Variants in ARFGEF1 observed in about 807,000 individuals in gnomAD.
ARFGEF1 encodes the protein ARF guanine nucleotide exchange factor 1, also known as brefeldin A-inhibited guanine nucleotide-exchange protein 1.
ARFGEF1 carries 42 observed loss-of-function variants against 231.0 expected under a neutral mutation model. The ratio of observed to expected loss-of-function variants is 0.18; its 90% CI spans 0.14 to 0.24. The LOEUF (loss-of-function observed/expected upper bound fraction) is 0.24, where lower values mean the gene tolerates loss of function less well. Ranked by LOEUF, ARFGEF1 falls within the 10% of genes least tolerant of loss-of-function variation. The pLI is 1.00. For missense variants in ARFGEF1, 1,345 were observed against 2,192.0 expected (o/e 0.61, Z 7.72); for synonymous variants, 710 against 732.3 (o/e 0.97, Z 0.49).
chr8:67,255,214 A>C (rs779193021), intron 17 of ARFGEF1, among the ~76,000 whole-genome samples: 5 of 152,214 alleles, frequency 3.3e-5, no homozygotes, highest in Non-Finnish European at 5.9e-5. Flanking sequence ...TTCACACAGA[A>C]CACTTCTGCC....
At chr8:67,235,605 G>A (rs907291270) in intron 22 of ARFGEF1, among the ~76,000 whole-genome samples, 5 of 152,062 alleles carry the variant, frequency 3.3e-5, no homozygotes, top group African/African-American at 7.2e-5. Context: ...GAGGTGAGAG[G>A]ATCACCTGAA....
intron 1 of ARFGEF1, among the ~76,000 whole-genome samples, chr8:67,329,820 G>A (rs1808017924): frequency 6.6e-6 from 1 of 151,616 alleles, no homozygotes; most frequent in Non-Finnish European, 1.5e-5. Flanking sequence ...AACAGCATTA[G>A]GCATGCATGA....
chr8:67,206,410 T>TA (rs747164390), intron 34 of ARFGEF1, among the ~76,000 whole-genome samples: 3,378 of 101,876 alleles, frequency 0.033, 115 homozygotes, highest in African/African-American at 0.077. Context: ...ATTTTATCTT[T>TA]AAAAAAAAAA....
Position 67,238,413 on chromosome 8 carries a change from C to A in ARFGEF1, c.3219G>T (p.Val1073=). 1 of 1,614,010 alleles carries A rather than the reference C, an allele frequency of 6.2e-7. No individual in the cohort carries two copies. The highest frequency in any genetic ancestry group is 8.5e-7 in the Non-Finnish European group (1 of 1,179,936). The change falls in exon 22 of 39, where the codon GTG becomes GTT. Residue 1073 remains valine (V), a synonymous_variant. Coordinates refer to ENST00000262215, the MANE Select transcript of ARFGEF1 (RefSeq NM_006421.5). ...CAGTAAGAGATCCTTCTCTGCCTCG[C>A]ACTGTTCCAGAAATGTATCGAGGTT... ...GVKPRYISGT[V]RGREGSLTGT...
At chr8:67,306,454 CT>C (rs1024106305) in intron 1 of ARFGEF1, among the ~76,000 whole-genome samples, 2 of 151,384 alleles carry the variant, frequency 1.3e-5, no homozygotes, top group South Asian at 4.2e-4. Flanking sequence ...ACAGGAAAGA[CT>C]TTTTTTTTAA....
chr8:67,198,262 AAAAG>A lies in ARFGEF1; in HGVS notation c.*668_*671del, dbSNP rs1838173623. 8 of 985,834 alleles carry A rather than the reference AAAAG, an allele frequency of 8.1e-6. No individual in the cohort carries two copies. Among genetic ancestry groups the A allele is most frequent in the Non-Finnish European group, 9.6e-6 (8 of 829,902 alleles). 61.1% of individuals were successfully genotyped at this position (985,834 alleles called of 1,614,324 possible). A position where few individuals can be genotyped will look rare whatever the true frequency, so the allele number is the denominator to read the frequency against. Reference sequence around the variant, plus strand: ...AAAACTAAAAATCCCTATAAAATAAAAAAGAAAGTTCCACCCAAATGTTTAGTGC... The same window carrying A: ...AAAACTAAAAATCCCTATAAAATAAAAAAGTTCCACCCAAATGTTTAGTGC... On this transcript the variant is annotated 3_prime_UTR_variant, in exon 39 of 39. Transcript: ENST00000262215.
intron 5 of ARFGEF1, among the ~76,000 whole-genome samples, chr8:67,189,279 G>C (rs554380171): frequency 1.3e-5 from 2 of 152,232 alleles, no homozygotes; most frequent in South Asian, 4.1e-4. Context: ...TTGCCTAAGG[G>C]AGCTGAAAAC....
In ARFGEF1 at chr8:67,204,830, AC is replaced by A. The variant is rs527275848; in HGVS notation, c.4820-12del. On this transcript the variant is annotated splice_polypyrimidine_tract_variant and intron_variant, in intron 34 of 38. Coordinates refer to ENST00000262215, the MANE Select transcript of ARFGEF1 (RefSeq NM_006421.5). ...TTTGTTCTGGAAATTCTGTGAGGAA[AC>A]CCCCCCCAATGCACATGCAAACAAA... is the stretch of plus-strand genomic sequence containing the variant. The A allele has an allele frequency of 1.4e-3, 2,224 of 1,598,532 alleles. 2 individuals carry two copies. The highest frequency in any genetic ancestry group is 1.7e-3 in the Non-Finnish European group (1,970 of 1,171,340).
chr8:67,288,610 G>C (rs1805861530), intron 6 of ARFGEF1, among the ~76,000 whole-genome samples: 1 of 152,050 alleles, frequency 6.6e-6, no homozygotes, highest in African/African-American at 2.4e-5. Context: ...GCACACGCCT[G>C]TAATCCCAGC....
At position 67,285,292 on chromosome 8, in the gene ARFGEF1, A is replaced by G. The variant is rs1310680530; in HGVS notation, c.1027+2663T>C. Among the ~76,000 whole-genome samples the G allele has an allele frequency of 2.0e-5, 3 of 151,974 alleles. No homozygotes were observed. In the East Asian group the frequency reaches 5.8e-4, roughly 29 times the overall value. ...CAGCAATTAGGGAGGCTGAGGTGGG[A>G]GGATCACTTGAGGCCAGTTCAAGCC... On this transcript the variant is annotated intron_variant, in intron 7 of 38. Transcript: ENST00000262215.
chr8:67,242,421 C>T (rs370776627), intron 19 of ARFGEF1, among the ~76,000 whole-genome samples: 6 of 152,224 alleles, frequency 3.9e-5, no homozygotes, highest in African/African-American at 9.7e-5. Flanking sequence ...CCTTTCCAGG[C>T]CCTAGCTCTG....
Position 67,308,040 on chromosome 8 carries a change from G to A in ARFGEF1, c.125-5574C>T, listed in dbSNP as rs889625779. On this transcript the variant is annotated intron_variant, in intron 1 of 38. Coordinates refer to ENST00000262215, the MANE Select transcript of ARFGEF1 (RefSeq NM_006421.5). ...CTTGGAGGCTACAAAAAATAGTTCC[G>A]TCACCAGTCCCAGCTGAGCCCAGCT... Among the ~76,000 whole-genome samples the A allele has an allele frequency of 4.6e-5, 7 of 152,120 alleles. No homozygotes were observed. The East Asian group carries it at 5.8e-4, about 13-fold the overall frequency.
At chr8:67,325,401 C>T (rs145726401) in intron 1 of ARFGEF1, among the ~76,000 whole-genome samples, 2,152 of 152,238 alleles carry the variant, frequency 0.014, 24 homozygotes, top group Middle Eastern at 0.048. Context: ...GTTTTTAATA[C>T]TTTCTCATCT....
rs1007765932 is a variant in ARFGEF1, at chr8:67,201,693, T to C, written c.5129-88A>G. 57 of 1,551,228 alleles carry C rather than the reference T, an allele frequency of 3.7e-5. No homozygotes were observed. The Middle Eastern group carries it at 3.5e-3, about 97-fold the overall frequency. ...CCCGTATGGAGGCACATTTTGTTTG[T>C]GCTCAGCCATCAGCATCTGCTGCTT... On this transcript the variant is annotated intron_variant, in intron 36 of 38. Coordinates refer to ENST00000262215, the MANE Select transcript of ARFGEF1 (RefSeq NM_006421.5).
chr8:67,275,457 T>C (rs1805274197), intron 9 of ARFGEF1, among the ~76,000 whole-genome samples: 1 of 152,116 alleles, frequency 6.6e-6, no homozygotes, highest in Non-Finnish European at 1.5e-5. Context: ...TCCTAGGGCA[T>C]TTTGTCAGAC....
In ARFGEF1 at chr8:67,311,286, TG is replaced by T. The variant is rs1223297174; in HGVS notation, c.125-8821del. On this transcript the variant is annotated intron_variant, in intron 1 of 38. Transcript: ENST00000262215. ...CCAGCCGCCCCGTCCGGGAGGGAGG[TG>T]GGGGGGGTCAGCCCCCCCGCCCGGC... Among the ~76,000 whole-genome samples the T allele has an allele frequency of 4.7e-3, 219 of 46,824 alleles. 2 individuals carry two copies. The highest frequency in any genetic ancestry group is 6.1e-3 in the Non-Finnish European group (145 of 23,752). The allele number at this position is 46,824 out of a possible 152,430, so 30.7% of individuals were successfully genotyped here. A position where few individuals can be genotyped will look rare whatever the true frequency, so the allele number is the denominator to read the frequency against.
At chr8:67,241,518 T>C (rs1248269399) in intron 19 of ARFGEF1, among the ~76,000 whole-genome samples, 1 of 152,168 alleles carries the variant, frequency 6.6e-6, no homozygotes, top group African/African-American at 2.4e-5. Context: ...AGACAATGAT[T>C]CCTCCTATCA....
chr8:67,199,230 G>A, intron 38 of ARFGEF1, 132 bp from the exon 39 acceptor site: 3 of 1,043,794 alleles, frequency 2.9e-6, no homozygotes, highest in South Asian at 1.6e-5. Flanking sequence ...CAGTGACTCT[G>A]GTTTGTGGAA....
intron 19 of ARFGEF1, among the ~76,000 whole-genome samples, chr8:67,249,882 G>A (rs1178029498): frequency 3.3e-5 from 5 of 152,156 alleles, no homozygotes; most frequent in South Asian, 2.1e-4. Flanking sequence ...TCGGCCTCCC[G>A]AAGTGCTGGG....
Sources: allele counts gnomAD v4.1 joint callset (sites outside exome capture counted in the v4.1 genomes callset), GRCh38; gene constraint gnomAD v4.1.1; transcripts MANE v1.5; gene names NCBI Gene and HGNC (gene_info 2026-07-23, HGNC 2026-07-21).